The following METTL15 variants were observed in gnomAD, a reference collection of about 807,000 sequenced individuals.
METTL15 encodes the protein 12S rRNA N(4)-cytidine methyltransferase METTL15.
METTL15 carries 34 observed loss-of-function variants against 38.3 expected under a neutral mutation model. The ratio of observed to expected loss-of-function variants is 0.89; its 90% CI spans 0.68 to 1.18. The LOEUF (loss-of-function observed/expected upper bound fraction) is 1.18, where lower values mean the gene tolerates loss of function less well. METTL15 is among the 50% of genes most tolerant of loss of function. METTL15 has a pLI of 0.00. For synonymous variants in METTL15, 162 were observed against 170.9 expected, an observed-to-expected ratio of 0.95 and a Z score of 0.41; for missense variants, 438 against 498.4, an observed-to-expected ratio of 0.88 and a Z score of 1.15.
intron 3 of METTL15, among the ~76,000 whole-genome samples, chr11:28,194,384 C>G (rs1590137494): frequency 6.6e-6 from 1 of 150,976 alleles, no homozygotes; most frequent in African/African-American, 2.4e-5. Flanking sequence ...ATTTTTAGTA[C>G]AGATGGAGTT....
rs138867482 is a variant in METTL15 at position 28,360,373 on chromosome 11, C to T, written c.*259-1564C>T. On this transcript the variant is annotated intron_variant and NMD_transcript_variant, in intron 4 of 7. Coordinates refer to the METTL15 transcript ENST00000532947. ...GGGCCCAAGATGTGCCAAGCAGATT[C>T]TTCTTCCGAATCCTTCTTATAAGAA... is the stretch of plus-strand genomic sequence containing the variant. Among the ~76,000 whole-genome samples, 1,106 of 152,334 alleles carry T rather than the reference C, an allele frequency of 7.3e-3. 1 individual carries two copies. Among genetic ancestry groups the T allele is most frequent in the Middle Eastern group, 0.01 (3 of 294 alleles).
chr11:28,389,077 A>G (rs1189999654), intron 5 of METTL15, among the ~76,000 whole-genome samples: 1 of 151,890 alleles, frequency 6.6e-6, no homozygotes, highest in Admixed American at 6.6e-5. Flanking sequence ...AATCCAGTCT[A>G]TCGTTGTAGG....
At chr11:28,317,283 T>C (rs1036047492) in intron 6 of METTL15, among the ~76,000 whole-genome samples, 2 of 152,130 alleles carry the variant, frequency 1.3e-5, no homozygotes, top group South Asian at 4.1e-4. Flanking sequence ...TCCAGAACCA[T>C]TCAAGTTCAC....
intron 5 of METTL15, among the ~76,000 whole-genome samples, chr11:28,409,790 A>T (rs930236907): frequency 1.3e-5 from 2 of 152,160 alleles, no homozygotes; most frequent in African/African-American, 4.8e-5. Context: ...AAATCAGAAC[A>T]GAAATAAATA....
chr11:28,120,251 C>CT (rs111884031), intron 3 of METTL15, among the ~76,000 whole-genome samples: 226 of 136,772 alleles, frequency 1.7e-3, no homozygotes, highest in Middle Eastern at 3.8e-3. Flanking sequence ...TGTGCCCAGC[C>CT]TTTTTTTTTT....
At chr11:28,343,639 A>G (rs1013859211) in intron 3 of METTL15, among the ~76,000 whole-genome samples, 1 of 152,216 alleles carries the variant, frequency 6.6e-6, no homozygotes, top group Admixed American at 6.5e-5. Flanking sequence ...CTAAAACTCT[A>G]TACAGCTCTA....
At chr11:28,271,598 C>G (rs1254675173) in intron 4 of METTL15, among the ~76,000 whole-genome samples, 2 of 152,122 alleles carry the variant, frequency 1.3e-5, no homozygotes, top group Non-Finnish European at 1.5e-5. Flanking sequence ...CCACCCACCG[C>G]AAGATTGGAT....
At chr11:28,199,305 T>C (rs753328686) in intron 3 of METTL15, among the ~76,000 whole-genome samples, 1 of 152,196 alleles carries the variant, frequency 6.6e-6, no homozygotes, top group Non-Finnish European at 1.5e-5. Flanking sequence ...AATGCTGCTA[T>C]AGTTAGCCCT....
At chr11:28,281,092 A>AT (rs1251527721) in intron 4 of METTL15, among the ~76,000 whole-genome samples, 2 of 152,138 alleles carry the variant, frequency 1.3e-5, no homozygotes, top group Non-Finnish European at 2.9e-5. Context: ...TATTGTGATA[A>AT]TTTGAGAGTC....
At chr11:28,394,673 C>CACATAAAGA (rs1367354251) in intron 5 of METTL15, among the ~76,000 whole-genome samples, 1 of 152,058 alleles carries the variant, frequency 6.6e-6, no homozygotes, top group Non-Finnish European at 1.5e-5. Context: ...AAGAGTTGTA[C>CACATAAAGA]ACATAAAGAT....
At chr11:28,216,289 TGGATTAATGGA>T (rs1167557224) in intron 4 of METTL15, among the ~76,000 whole-genome samples, 1 of 151,970 alleles carries the variant, frequency 6.6e-6, no homozygotes, top group Non-Finnish European at 1.5e-5. Context: ...AATAGGCAAG[TGGATTAATGGA>T]GGAAATAATC....
chr11:28,433,627 A>G (rs949811044), intron 6 of METTL15, among the ~76,000 whole-genome samples: 2 of 152,270 alleles, frequency 1.3e-5, no homozygotes, highest in Middle Eastern at 6.8e-3. Context: ...AGATTTGATG[A>G]TGGTGGTGAT....
chr11:28,156,674 A>T (rs535521179), intron 3 of METTL15, among the ~76,000 whole-genome samples: 33 of 152,316 alleles, frequency 2.2e-4, no homozygotes, highest in Non-Finnish European at 4.9e-4. Context: ...TTTTTAAATG[A>T]TACAAACTCC....
At chr11:28,401,943 T>G (rs546968232) in intron 5 of METTL15, among the ~76,000 whole-genome samples, 1 of 152,094 alleles carries the variant, frequency 6.6e-6, no homozygotes, top group East Asian at 1.9e-4. Context: ...TAGTGACTTA[T>G]TTTTTTCCTT....
At chr11:28,321,276 T>C (rs1849457830) in intron 6 of METTL15, among the ~76,000 whole-genome samples, 2 of 152,308 alleles carry the variant, frequency 1.3e-5, no homozygotes, top group South Asian at 4.1e-4. Flanking sequence ...GATTTCATCC[T>C]AGAATGGAGA....
At chr11:28,219,229 A>G (rs920136165) in intron 4 of METTL15, among the ~76,000 whole-genome samples, 1 of 152,068 alleles carries the variant, frequency 6.6e-6, no homozygotes, top group Non-Finnish European at 1.5e-5. Context: ...TATTGCCTCA[A>G]TTTCAGAGCC....
rs539561670 is a variant in METTL15, at chr11:28,504,884, T to A, written c.*425-21594T>A. ...TAATTCTTTCTTTCTCTGGCTAGTA[T>A]AGAGCTGTCATTATTCACTGGGGAG... On this transcript the variant is annotated intron_variant and NMD_transcript_variant, in intron 6 of 7. Transcript: ENST00000532947. Among the ~76,000 whole-genome samples, 5 of 152,330 alleles carry A rather than the reference T, an allele frequency of 3.3e-5. No individual in the cohort carries two copies. In the South Asian group the frequency reaches 1.0e-3, roughly 32 times the overall value.
chr11:28,225,521 A>G (rs1041366168), intron 4 of METTL15, among the ~76,000 whole-genome samples: 3 of 151,454 alleles, frequency 2.0e-5, no homozygotes, highest in South Asian at 4.2e-4. Flanking sequence ...AGTATTGTGG[A>G]GAAGTCTGAG....
intron 6 of METTL15, among the ~76,000 whole-genome samples, chr11:28,426,679 A>C (rs1050372611): frequency 6.7e-6 from 1 of 148,994 alleles, no homozygotes; most frequent in Non-Finnish European, 1.5e-5. Flanking sequence ...CATTTCTCTA[A>C]TGATCAGTGC....
Sources: gnomAD v4.1 joint callset for allele counts (sites outside exome capture counted in the v4.1 genomes callset) on GRCh38, gnomAD v4.1.1 for gene constraint, MANE v1.5 for transcripts, NCBI Gene and HGNC (gene_info 2026-07-23, HGNC 2026-07-21) for gene names.